The following STXBP6 variants were observed in gnomAD, a reference collection of about 807,000 sequenced individuals.
STXBP6 encodes the protein syntaxin-binding protein 6.
Under a neutral mutation model 26.9 loss-of-function variants are expected in STXBP6, and 21 were observed. The observed-to-expected ratio is 0.78, with a 90% confidence interval of 0.55 to 1.12. The LOEUF is 1.12. STXBP6 is among the 50% of genes most tolerant of loss of function. The pLI is 0.00. For missense variants in STXBP6, 232 were observed against 257.9 expected, an observed-to-expected ratio of 0.90 and a Z score of 0.69; for synonymous variants, 97 against 92.6, an observed-to-expected ratio of 1.05 and a Z score of -0.27.
intron 1 of STXBP6, among the ~76,000 whole-genome samples, chr14:25,028,943 C>G (rs545674231): frequency 2.0e-5 from 3 of 152,252 alleles, no homozygotes; most frequent in Admixed American, 1.3e-4. Flanking sequence ...GACCTAGAAT[C>G]TGAAGTTTAG....
intron 2 of STXBP6, among the ~76,000 whole-genome samples, chr14:24,882,023 C>A (rs1000593808): frequency 1.3e-5 from 2 of 152,098 alleles, no homozygotes; most frequent in Non-Finnish European, 2.9e-5. Context: ...TAACCTATCT[C>A]AAGACCAGTT....
At position 24,888,679 on chromosome 14, in the gene STXBP6, C is replaced by T. The variant is rs73591683; in HGVS notation, c.155-31522G>A. 2.2e-3 allele frequency among the ~76,000 whole-genome samples: 331 copies of T among 150,210 alleles called. 1 individual carries two copies. Among genetic ancestry groups the T allele is most frequent in the African/African-American group, 5.5e-3 (223 of 40,720 alleles). On this transcript the variant is annotated intron_variant, in intron 2 of 5. Transcript: ENST00000323944. ...TGTAGGCTGCAGTGAGCTGAGATTG[C>T]GTCACTGTACTCCAGCCTGGTGACA... is the stretch of plus-strand genomic sequence containing the variant.
At chr14:24,909,909 G>A (rs998183921) in intron 2 of STXBP6, among the ~76,000 whole-genome samples, 1 of 151,142 alleles carries the variant, frequency 6.6e-6, no homozygotes, top group Non-Finnish European at 1.5e-5. Context: ...ACCTGGCCCT[G>A]CCACCAACTA....
chr14:24,882,241 T>C (rs1240131843), intron 2 of STXBP6, among the ~76,000 whole-genome samples: 2 of 147,584 alleles, frequency 1.4e-5, no homozygotes, highest in African/African-American at 2.5e-5. Flanking sequence ...TAGCCGGGCG[T>C]AGTGGCGGGC....
chr14:24,830,445 T>C (rs2068423342), intron 4 of STXBP6, among the ~76,000 whole-genome samples: 1 of 152,058 alleles, frequency 6.6e-6, no homozygotes, highest in Non-Finnish European at 1.5e-5. Context: ...GGACTGAATA[T>C]GAGAGGTGAG....
At chr14:24,977,563 C>A (rs59366121) in intron 1 of STXBP6, among the ~76,000 whole-genome samples, 8,621 of 152,116 alleles carry the variant, frequency 0.057, 297 homozygotes, top group East Asian at 0.17. Flanking sequence ...AAATTACAGA[C>A]CCTTAGTTTA....
intron 2 of STXBP6, among the ~76,000 whole-genome samples, chr14:24,964,532 A>G (rs2073664930): frequency 1.3e-5 from 2 of 152,176 alleles, no homozygotes; most frequent in African/African-American, 2.4e-5. Context: ...TGTATCAGGC[A>G]TTACATATGC....
intron 2 of STXBP6, among the ~76,000 whole-genome samples, chr14:24,962,194 GC>G (rs1218529341): frequency 6.6e-6 from 1 of 152,072 alleles, no homozygotes; most frequent in African/African-American, 2.4e-5. Context: ...AAGCGAGCAG[GC>G]ATTATAAGCA....
intron 2 of STXBP6, among the ~76,000 whole-genome samples, chr14:24,920,940 C>T (rs1425579615): frequency 6.6e-6 from 1 of 152,000 alleles, no homozygotes; most frequent in African/African-American, 2.4e-5. Context: ...TAATGCAACC[C>T]AAGATCTAGA....
chr14:24,897,614 T>C (rs2071045060), intron 2 of STXBP6, among the ~76,000 whole-genome samples: 1 of 152,064 alleles, frequency 6.6e-6, no homozygotes, highest in African/African-American at 2.4e-5. Flanking sequence ...TCAAGTACTA[T>C]ACAAAATTTC....
intron 2 of STXBP6, among the ~76,000 whole-genome samples, chr14:24,885,406 TA>T (rs2070542890): frequency 6.6e-6 from 1 of 152,126 alleles, no homozygotes; most frequent in African/African-American, 2.4e-5. Context: ...GGCCACAGGG[TA>T]AACTGCTAAG....
At chr14:24,990,286 C>G (rs769288762) in intron 1 of STXBP6, among the ~76,000 whole-genome samples, 59 of 152,214 alleles carry the variant, frequency 3.9e-4, no homozygotes, top group Non-Finnish European at 7.8e-4. Context: ...TTCCCTGTTC[C>G]AAGCTGAGTA....
intron 2 of STXBP6, among the ~76,000 whole-genome samples, chr14:24,960,040 C>A (rs942505684): frequency 2.0e-5 from 3 of 152,200 alleles, no homozygotes; most frequent in Admixed American, 1.3e-4. Context: ...GAGCAGACAA[C>A]CCCTGAAAGG....
rs2067830279 is a variant in STXBP6 at position 24,811,758 on chromosome 14, G to A, written c.*951C>T. 1 of 152,128 alleles carries A rather than the reference G, an allele frequency of 6.6e-6. No individual in the cohort carries two copies. Among genetic ancestry groups the A allele is most frequent in the Admixed American group, 6.6e-5 (1 of 15,264 alleles). The allele number at this position is 152,128 out of a possible 1,614,324, so 9.4% of individuals were successfully genotyped here. ...GCCCTCTCCCAAGGACATTATGAAG[G>A]TGTCTCTAAAATAGGCATGACTGTA... On this transcript the variant is annotated 3_prime_UTR_variant, in exon 6 of 6. Coordinates refer to ENST00000323944, the MANE Select transcript of STXBP6 (RefSeq NM_001394410.1).
intron 2 of STXBP6, among the ~76,000 whole-genome samples, chr14:24,940,621 T>A (rs2072767618): frequency 1.3e-5 from 2 of 152,188 alleles, no homozygotes; most frequent in African/African-American, 4.8e-5. Context: ...CCTGTTGACC[T>A]GGATGCAAAC....
intron 4 of STXBP6, among the ~76,000 whole-genome samples, chr14:24,834,708 G>A (rs545731165): frequency 6.6e-6 from 1 of 152,236 alleles, no homozygotes; most frequent in East Asian, 1.9e-4. Context: ...AAAAGATGAG[G>A]ATGGCCCGAA....
chr14:24,855,776 T>C (rs886802809), intron 4 of STXBP6, among the ~76,000 whole-genome samples, 160 bp downstream of exon 4: 3 of 152,064 alleles, frequency 2.0e-5, no homozygotes, highest in East Asian at 3.9e-4. Flanking sequence ...AAATTTACCA[T>C]ACAATAAACT....
intron 1 of STXBP6, among the ~76,000 whole-genome samples, chr14:25,006,766 T>G (rs1335567043): frequency 6.6e-6 from 1 of 152,086 alleles, no homozygotes; most frequent in Non-Finnish European, 1.5e-5. Context: ...TTCCATGTAC[T>G]GACCAAGGAA....
chr14:25,045,752 C>T (rs1218164791), intron 1 of STXBP6, among the ~76,000 whole-genome samples: 1 of 151,764 alleles, frequency 6.6e-6, no homozygotes, highest in Non-Finnish European at 1.5e-5. Context: ...TACAGGTGCC[C>T]ACCACCACAT....
Sources: allele counts gnomAD v4.1 joint callset (sites outside exome capture counted in the v4.1 genomes callset), GRCh38; gene constraint gnomAD v4.1.1; transcripts MANE v1.5; gene names NCBI Gene and HGNC (gene_info 2026-07-23, HGNC 2026-07-21).